MRPL16: variants seen among roughly 807,000 people sequenced by gnomAD.
MRPL16 encodes the protein large ribosomal subunit protein uL16m.
In MRPL16, 17 loss-of-function variants were observed where a neutral mutation model predicts 22.7. The observed-to-expected ratio is 0.75, with a 90% confidence interval of 0.51 to 1.12. The LOEUF (loss-of-function observed/expected upper bound fraction) is 1.12. Among genes scored for constraint, MRPL16 ranks in the 50% most tolerant of loss-of-function variants. The probability of loss-of-function intolerance (pLI) is 0.00; values close to 1 mark genes in which losing one functional copy is unlikely to be tolerated. For synonymous variants in MRPL16, 103 were observed against 112.8 expected (o/e 0.91, Z 0.55); for missense variants, 316 against 328.7 (o/e 0.96, Z 0.30).
Position 59,810,314 on chromosome 11 carries a change from T to C in MRPL16, c.55+290A>G, listed in dbSNP as rs770919336. 1.2e-3 allele frequency: 1,512 copies of C among 1,297,804 alleles called. 1 individual carries two copies. Among genetic ancestry groups the C allele is most frequent in the Non-Finnish European group, 1.3e-3 (1,377 of 1,024,108 alleles). The allele number at this position is 1,297,804 out of a possible 1,614,324, so 80.4% of individuals were successfully genotyped here. A position where few individuals can be genotyped will look rare whatever the true frequency, so the allele number is the denominator to read the frequency against. ...GTGAGCCACCGCGCCCGCCCAAAAG[T>C]ACTTCCGCCGGAGGAGTCTTGAGGT... is the stretch of plus-strand genomic sequence containing the variant. On this transcript the variant is annotated intron_variant, in intron 1 of 3. Coordinates refer to ENST00000300151, the MANE Select transcript of MRPL16 (RefSeq NM_017840.4).
intron 2 of MRPL16, 46 bp from the exon 3 acceptor site, chr11:59,807,895 C>A: frequency 6.7e-7 from 1 of 1,491,630 alleles, no homozygotes; most frequent in Non-Finnish European, 9.0e-7. Context: ...CTATACATCT[C>A]AAAAGATCTA....
At chr11:59,807,878 AG>A in intron 2 of MRPL16, 29 bp from the exon 3 acceptor site, 1 of 1,574,672 alleles carries the variant, frequency 6.4e-7, no homozygotes, top group Non-Finnish European at 8.6e-7. Flanking sequence ...ACCAGGATAA[AG>A]TAAAACTATA....
intron 3 of MRPL16, 35 bp downstream of exon 3, chr11:59,807,666 C>T: frequency 1.3e-6 from 2 of 1,588,758 alleles, no homozygotes; most frequent in South Asian, 1.1e-5. Flanking sequence ...TCCCTAGCTT[C>T]CATCCCATTG....
rs1866085698 is a variant in MRPL16, at chr11:59,806,301, A to G, written c.*46T>C. ...GGTAGGCTGAGGGGAATAGAAATGC[A>G]GAATCCTTCTTTCAGTAGCCTATAT... On this transcript the variant is annotated 3_prime_UTR_variant, in exon 4 of 4. Transcript: ENST00000300151. The G allele has an allele frequency of 2.5e-6, 4 of 1,580,716 alleles. No homozygotes were observed. In the South Asian group the frequency reaches 4.6e-5, roughly 18 times the overall value.
Position 59,806,556 on chromosome 11 carries a change from A to G in MRPL16, c.547T>C (p.Leu183=), listed in dbSNP as rs756237364. 57 of 1,614,250 alleles carry G rather than the reference A, an allele frequency of 3.5e-5. No homozygotes were observed. The East Asian group carries it at 1.0e-3, about 28-fold the overall frequency. Residue 183 remains leucine, a synonymous_variant, in exon 4 of 4, where the codon TTG becomes CTG. Transcript: ENST00000300151. The part of the protein sequence containing the change: ...QGFLDQVAHK[L]PFAAKAVSRG... Reference sequence around the variant, plus strand: ...CTCACAGCCTTTGCTGCGAAGGGCAACTTGTGGGCAACCTGGTCAAGGAAA... The same window carrying G: ...CTCACAGCCTTTGCTGCGAAGGGCAGCTTGTGGGCAACCTGGTCAAGGAAA...
Position 59,806,478 on chromosome 11 carries a change from T to G in MRPL16, c.625A>C (p.Asn209His), listed in dbSNP as rs1001936686. 3 of 1,614,242 alleles carry G rather than the reference T, an allele frequency of 1.9e-6. No individual in the cohort carries two copies. The highest frequency in any genetic ancestry group is 2.2e-5 in the South Asian group (2 of 91,086). Reference protein sequence around the residue: ...RKDQEERERNNQNPWTFERIA... With the variant: ...RKDQEERERNHQNPWTFERIA... ...CGCTCAAATGTCCAGGGGTTCTGGT[T>G]GTTACGTTCTCTTTCCTCTTGATCT... Residue 209 changes from asparagine to histidine, a missense_variant, in exon 4 of 4, where the codon AAC becomes CAC. Transcript: ENST00000300151.
intron 2 of MRPL16, 77 bp from the exon 3 acceptor site, chr11:59,807,926 A>C: frequency 1.4e-6 from 2 of 1,408,030 alleles, no homozygotes; most frequent in Non-Finnish European, 1.9e-6. Context: ...AAGATTTATA[A>C]CAGGTGAAAG....
chr11:59,806,593 T>C lies in MRPL16; in HGVS notation c.510A>G (p.Glu170=). The change falls in exon 4 of 4, where the codon GAA becomes GAG. Residue 170 remains glutamate (E), a synonymous_variant. Transcript: ENST00000300151. ...VVEMGGRCEF[E]EVQGFLDQVA... is the part of the protein sequence containing the mutation. ...CCTGGTCAAGGAAACCTTGCACTTC[T>C]TCAAATTCACAACGCCCACCCATCT... is the stretch of plus-strand genomic sequence containing the variant. 1 of 1,614,264 alleles carries C rather than the reference T, an allele frequency of 6.2e-7. No homozygotes were observed. Among genetic ancestry groups the C allele is most frequent in the Non-Finnish European group, 8.5e-7 (1 of 1,180,050 alleles).
Position 59,807,796 on chromosome 11 carries a change from C to A in MRPL16, c.175G>T (p.Val59Leu). The A allele has an allele frequency of 6.2e-7, 1 of 1,613,432 alleles. No homozygotes were observed. Among genetic ancestry groups the A allele is most frequent in the Non-Finnish European group, 8.5e-7 (1 of 1,179,700 alleles). The change falls in exon 3 of 4, where the codon GTG becomes TTG. Residue 59 changes from valine to leucine, a missense_variant. Coordinates refer to ENST00000300151, the MANE Select transcript of MRPL16 (RefSeq NM_017840.4). ...KLRFIERAPLVPKVRREPKNL... is the reference protein window; with the variant it reads ...KLRFIERAPLLPKVRREPKNL... ...TTAGGTTCTCTTCTTACTTTTGGCA[C>A]AAGTGGTGCCCTTTCAATAAATCTA...
At position 59,809,901 on chromosome 11, in the gene MRPL16, G is replaced by C; in HGVS notation, c.75C>G (p.Pro25=). The part of the protein sequence containing the change: ...VPLSDSWALL[P]ASAGVKTLLP... ...GCAGTGTCTTTACGCCAGCACTGGC[G>C]GGGAGGAGTGCCCAGGAATCTACAA... Residue 25 remains proline, a synonymous_variant, in exon 2 of 4, where the codon CCC becomes CCG. Coordinates refer to ENST00000300151, the MANE Select transcript of MRPL16 (RefSeq NM_017840.4). 1.2e-6 allele frequency: 2 copies of C among 1,613,258 alleles called. No homozygotes were observed. Among genetic ancestry groups the C allele is most frequent in the Admixed American group, 1.7e-5 (1 of 59,920 alleles).
At chr11:59,810,392 C>G in intron 1 of MRPL16, 2 of 1,397,800 alleles carry the variant, frequency 1.4e-6, no homozygotes, top group Middle Eastern at 2.6e-4. Flanking sequence ...CCGCAAAAGG[C>G]CAGCCGGGAT....
At chr11:59,810,491 C>T in intron 1 of MRPL16, 113 bp downstream of exon 1, 1 of 1,545,332 alleles carries the variant, frequency 6.5e-7, no homozygotes, top group East Asian at 2.3e-5. Flanking sequence ...TAGTTCCTAA[C>T]CAGTGCTTCA....
chr11:59,807,506 A>G (rs959420976), intron 3 of MRPL16, 195 bp downstream of exon 3: 1 of 446,768 alleles, frequency 2.2e-6, no homozygotes, highest in Non-Finnish European at 3.8e-6. Flanking sequence ...TTCACTCTAC[A>G]TTAAAAAAAA....
chr11:59,807,490 G>T, intron 3 of MRPL16: 1 of 390,780 alleles, frequency 2.6e-6, no homozygotes, highest in Non-Finnish European at 4.5e-6. Flanking sequence ...CTGCTTTTAC[G>T]TTATTTTCAC....
chr11:59,808,942 T>C (rs1866142514), intron 2 of MRPL16: 2 of 152,180 alleles, frequency 1.3e-5, no homozygotes, highest in African/African-American at 4.8e-5. Context: ...ATGAACCAAG[T>C]ATGGCTTTAT....
intron 2 of MRPL16, chr11:59,808,788 T>A (rs1358856175): frequency 6.6e-6 from 1 of 152,208 alleles, no homozygotes; most frequent in Non-Finnish European, 1.5e-5. Flanking sequence ...GGACTTTTCA[T>A]GCTGAGACCT....
At chr11:59,807,502 CTACAT>C (rs919890855) in intron 3 of MRPL16, 194 bp downstream of exon 3, 2 of 433,172 alleles carry the variant, frequency 4.6e-6, no homozygotes, top group African/African-American at 2.1e-5. Context: ...TATTTTCACT[CTACAT>C]TAAAAAAAAA....
At chr11:59,807,098 G>A (rs534729140) in intron 3 of MRPL16, 44 of 438,204 alleles carry the variant, frequency 1.0e-4, no homozygotes, top group African/African-American at 7.3e-4. Flanking sequence ...CAAGGGAAAA[G>A]AGAGGAGTGT....
intron 2 of MRPL16, among the ~76,000 whole-genome samples, chr11:59,809,252 C>T (rs78209188): frequency 0.011 from 1,685 of 151,972 alleles, 40 homozygotes; most frequent in African/African-American, 0.038. Flanking sequence ...TTTCACATAT[C>T]GTTAGATGAC....
Sources: allele counts gnomAD v4.1 joint callset (sites outside exome capture counted in the v4.1 genomes callset), GRCh38; gene constraint gnomAD v4.1.1; transcripts MANE v1.5; gene names NCBI Gene and HGNC (gene_info 2026-07-23, HGNC 2026-07-21).